The following SCN8A variants were observed in gnomAD, a reference collection of about 807,000 sequenced individuals.
SCN8A encodes the protein sodium voltage-gated channel alpha subunit 8.
A neutral mutation model predicts 184.1 loss-of-function variants in SCN8A; 30 were observed. The ratio of observed to expected loss-of-function variants is 0.16; its 90% CI spans 0.12 to 0.22. The LOEUF (loss-of-function observed/expected upper bound fraction) is 0.22. Among genes scored for constraint, SCN8A ranks in the 10% least tolerant of loss-of-function variants. The pLI is 1.00. For synonymous variants in SCN8A, 852 were observed against 907.0 expected (o/e 0.94, Z 1.09); for missense variants, 1,057 against 2,498.9 (o/e 0.42, Z 12.30).
At chr12:51,670,500 G>A (rs1440518925) in intron 2 of SCN8A, among the ~76,000 whole-genome samples, 1 of 152,200 alleles carries the variant, frequency 6.6e-6, no homozygotes, top group Non-Finnish European at 1.5e-5. Flanking sequence ...TGGAAGATGA[G>A]GCTGGGGAGG....
intron 17 of SCN8A, among the ~76,000 whole-genome samples, chr12:51,769,639 T>C (rs1168961737): frequency 6.6e-6 from 1 of 152,130 alleles, no homozygotes; most frequent in African/African-American, 2.4e-5. Context: ...TATAGCCGCA[T>C]TTAGCTTTGG....
intron 12 of SCN8A, among the ~76,000 whole-genome samples, chr12:51,727,248 G>A (rs1372265616): frequency 1.3e-5 from 2 of 151,964 alleles, no homozygotes; most frequent in Admixed American, 6.6e-5. Context: ...CTTACTTAAG[G>A]TTTTCAGTTG....
chr12:51,770,240 C>G lies in SCN8A; in HGVS notation c.3490+255C>G. The G allele has an allele frequency of 5.1e-6, 3 of 592,020 alleles. 1 individual carries two copies. The highest frequency in any genetic ancestry group is 8.9e-6 in the Non-Finnish European group (3 of 337,464). 36.7% of individuals were successfully genotyped at this position (592,020 alleles called of 1,614,324 possible). On this transcript the variant is annotated intron_variant, in intron 18 of 26. Coordinates refer to ENST00000627620, the MANE Select transcript of SCN8A (RefSeq NM_001330260.2). ...AGCCCAAAAATTTCCATTAGAATGT[C>G]CTGTTCTGTCATGGCTGTGCCTGCC...
At chr12:51,665,322 G>C (rs1941011276) in intron 2 of SCN8A, among the ~76,000 whole-genome samples, 1 of 152,194 alleles carries the variant, frequency 6.6e-6, no homozygotes, top group Admixed American at 6.5e-5. Context: ...TGCTCCATTA[G>C]AAGACTGATT....
intron 21 of SCN8A, 38 bp downstream of exon 21, chr12:51,780,809 G>A (rs1301116851): frequency 3.2e-6 from 5 of 1,540,868 alleles, no homozygotes; most frequent in South Asian, 1.3e-5. Context: ...CTGCATGCCA[G>A]TGGAAACTGT....
In SCN8A at chr12:51,794,524, G is replaced by A. The variant is rs764328953; in HGVS notation, c.4678G>A (p.Val1560Met). ...GAACATCCTCTACTGGATTAACCTGGTGTTTGTTATCTTCTTCACCTGTGA... is the reference window on the plus strand; with the variant it reads ...GAACATCCTCTACTGGATTAACCTGATGTTTGTTATCTTCTTCACCTGTGA... The part of the protein sequence containing the change: ...MENILYWINL[V>M]FVIFFTCECV... Residue 1560 changes from valine (V) to methionine (M), a missense_variant, in exon 26 of 27, where the codon GTG becomes ATG. By Grantham distance (21) the Val-to-Met change is conservative. Transcript: ENST00000627620. 5 of 1,613,998 alleles carry A rather than the reference G, an allele frequency of 3.1e-6. No homozygotes were observed. The Admixed American group carries it at 5.0e-5, about 16-fold the overall frequency.
intron 1 of SCN8A, among the ~76,000 whole-genome samples, chr12:51,649,567 A>G (rs1055499865): frequency 2.0e-5 from 3 of 152,108 alleles, no homozygotes; most frequent in African/African-American, 7.2e-5. Context: ...TCAACACCAC[A>G]TGGAAGCTGC....
chr12:51,705,716 A>G (rs1941772318), intron 10 of SCN8A, 93 bp downstream of exon 10: 1 of 1,112,454 alleles, frequency 9.0e-7, no homozygotes, highest in South Asian at 1.6e-5. Flanking sequence ...TTTTCTAGGC[A>G]TATTTTCAAA....
intron 11 of SCN8A, among the ~76,000 whole-genome samples, chr12:51,714,901 T>C (rs921345451): frequency 4.6e-5 from 7 of 152,180 alleles, no homozygotes; most frequent in African/African-American, 7.2e-5. Context: ...AAGCTCCTGG[T>C]TGGTTGACAG....
rs1016112558 is a variant in SCN8A, at chr12:51,811,066, A to G, written c.*3637A>G. 2.0e-5 allele frequency: 3 copies of G among 152,310 alleles called. No homozygotes were observed. The highest frequency in any genetic ancestry group is 7.2e-5 in the African/African-American group (3 of 41,568). The allele number at this position is 152,310 out of a possible 1,614,324, so 9.4% of individuals were successfully genotyped here. A position where few individuals can be genotyped will look rare whatever the true frequency, so the allele number is the denominator to read the frequency against. ...AAAAGTCCATCACTCCTCTAAGCCA[A>G]AAGGAAACAAAATAAAAATGACCCT... On this transcript the variant is annotated 3_prime_UTR_variant, in exon 27 of 27. Transcript: ENST00000627620.
At chr12:51,772,504 C>T (rs1942941114) in intron 19 of SCN8A, among the ~76,000 whole-genome samples, 1 of 152,044 alleles carries the variant, frequency 6.6e-6, no homozygotes, top group Non-Finnish European at 1.5e-5. Context: ...CCCTCAGTGA[C>T]ATGAGATCAG....
At chr12:51,770,741 A>G (rs1592152586) in intron 19 of SCN8A, 58 bp downstream of exon 19, 1 of 1,573,954 alleles carries the variant, frequency 6.4e-7, no homozygotes, top group East Asian at 2.3e-5. Context: ...TAGAGAAGCC[A>G]GTGGGAAAAG....
intron 1 of SCN8A, among the ~76,000 whole-genome samples, chr12:51,639,610 A>G (rs1592346833): frequency 6.6e-6 from 1 of 152,072 alleles, no homozygotes. Flanking sequence ...TGTGGATAAA[A>G]TGCTGTCAAA....
At position 51,807,078 on chromosome 12, in the gene SCN8A, C is replaced by A; in HGVS notation, c.5592C>A (p.Ile1864=). The A allele has an allele frequency of 6.2e-7, 1 of 1,614,018 alleles. No homozygotes were observed. The highest frequency in any genetic ancestry group is 8.5e-7 in the Non-Finnish European group (1 of 1,179,896). Residue 1864 remains isoleucine (I), a synonymous_variant, in exon 27 of 27, where the codon ATC becomes ATA. Coordinates refer to ENST00000627620, the MANE Select transcript of SCN8A (RefSeq NM_001330260.2). This position sits in a 1 kb window ranked among gnomAD's most constrained non-coding sequence, Gnocchi z 4.5. ...RVLGDSGELD[I]LRQQMEERFV... ...TGGGAGATAGCGGGGAGTTGGACATCCTGCGGCAGCAGATGGAAGAGCGGT... is the reference window on the plus strand; with the variant it reads ...TGGGAGATAGCGGGGAGTTGGACATACTGCGGCAGCAGATGGAAGAGCGGT...
At position 51,649,045 on chromosome 12, in the gene SCN8A, GA is replaced by G. The variant is rs574730122; in HGVS notation, c.-54-13716del. On this transcript the variant is annotated intron_variant, in intron 1 of 26. Coordinates refer to ENST00000627620, the MANE Select transcript of SCN8A (RefSeq NM_001330260.2). ...GTAAATACAGCTGTTCCAAATGGGA[GA>G]AATTGGCCAAAACAAAGGGGTTATA... 1.7e-3 allele frequency among the ~76,000 whole-genome samples: 266 copies of G among 152,282 alleles called. 1 individual carries two copies. Among genetic ancestry groups the G allele is most frequent in the African/African-American group, 6.1e-3 (254 of 41,562 alleles).
In SCN8A at chr12:51,721,583, G is replaced by A. The variant is rs770777288; in HGVS notation, c.1673G>A (p.Arg558His). 2.5e-6 allele frequency: 4 copies of A among 1,611,922 alleles called. No homozygotes were observed. Among genetic ancestry groups the A allele is most frequent in the African/African-American group, 2.7e-5 (2 of 74,838 alleles). Residue 558 changes from arginine (R) to histidine (H), a missense_variant, in exon 12 of 27, where the codon CGC (arginine) becomes CAC (histidine). Around this residue, in one of 19 missense-constraint regions of SCN8A, gnomAD observed 322 missense variants for 390.1 expected, o/e 0.83. Coordinates refer to ENST00000627620, the MANE Select transcript of SCN8A (RefSeq NM_001330260.2). ...ATCCCAGGCTCGCCCTTCCTCTCCC[G>A]CCACAACAGCAAGAGCAGCATCTTC... is the stretch of plus-strand genomic sequence containing the variant. ...LSIPGSPFLS[R>H]HNSKSSIFSF...
At chr12:51,656,258 A>C (rs372101530) in intron 1 of SCN8A, among the ~76,000 whole-genome samples, 23 of 152,314 alleles carry the variant, frequency 1.5e-4, no homozygotes, top group African/African-American at 5.5e-4. Flanking sequence ...ATATAACCAC[A>C]GGAAAAAAAT....
In SCN8A at chr12:51,721,028, C is replaced by T. The variant is rs575816609; in HGVS notation, c.1636-518C>T. ...GTTGCAGTGAGCCAAGATAGCGCCACCACACTCCAGCCTGGGCCACAAGAG... is the reference window on the plus strand; with the variant it reads ...GTTGCAGTGAGCCAAGATAGCGCCATCACACTCCAGCCTGGGCCACAAGAG... On this transcript the variant is annotated intron_variant, in intron 11 of 26. Coordinates refer to ENST00000627620, the MANE Select transcript of SCN8A (RefSeq NM_001330260.2). 3.5e-3 allele frequency among the ~76,000 whole-genome samples: 503 copies of T among 144,248 alleles called. 2 individuals are homozygous for T. The highest frequency in any genetic ancestry group is 0.012 in the African/African-American group (472 of 37,998). The allele number at this position is 144,248 out of a possible 152,430, so 94.6% of individuals were successfully genotyped here.
At chr12:51,661,669 G>C (rs1405962169) in intron 1 of SCN8A, among the ~76,000 whole-genome samples, 1 of 152,072 alleles carries the variant, frequency 6.6e-6, no homozygotes, top group Non-Finnish European at 1.5e-5. Flanking sequence ...CAAAACTAAA[G>C]AGAAAAAAGC....
Sources: gnomAD v4.1 joint callset for allele counts (sites outside exome capture counted in the v4.1 genomes callset) on GRCh38, gnomAD v4.1.1 for gene constraint, gnomAD v4.1.1 regional missense constraint, Gnocchi (gnomAD v3.1) non-coding constraint, MANE v1.5 for transcripts, NCBI Gene and HGNC (gene_info 2026-07-23, HGNC 2026-07-21) for gene names.